The following FSTL5 variants were observed in gnomAD, a reference collection of about 807,000 sequenced individuals.
The protein encoded by FSTL5 is follistatin-related protein 5.
Under a neutral mutation model 89.1 loss-of-function variants are expected in FSTL5, and 62 were observed. That is an observed-to-expected ratio of 0.70 (90% CI 0.57 to 0.86). The LOEUF (loss-of-function observed/expected upper bound fraction) is 0.86. FSTL5 is among the 40% of genes least tolerant of loss of function. The pLI, the probability that FSTL5 is intolerant of heterozygous loss-of-function variation, is 0.00. For missense variants in FSTL5, 1,057 were observed against 1,001.6 expected, an observed-to-expected ratio of 1.06 and a Z score of -0.75; for synonymous variants, 383 against 346.2, an observed-to-expected ratio of 1.11 and a Z score of -1.18.
At chr4:161,421,451 C>G (rs907512685) in intron 15 of FSTL5, among the ~76,000 whole-genome samples, 1 of 151,936 alleles carries the variant, frequency 6.6e-6, no homozygotes, top group African/African-American at 2.4e-5. Context: ...CAGTTCTACA[C>G]AAGATAGTTG....
At chr4:162,123,662 C>A (rs1272276021) in intron 1 of FSTL5, among the ~76,000 whole-genome samples, 2 of 152,136 alleles carry the variant, frequency 1.3e-5, no homozygotes, top group Admixed American at 1.3e-4. Flanking sequence ...AACTCTAAAG[C>A]TACTGGAACT....
intron 3 of FSTL5, among the ~76,000 whole-genome samples, chr4:161,959,299 T>C (rs1481872076): frequency 1.3e-5 from 2 of 151,980 alleles, no homozygotes; most frequent in Non-Finnish European, 1.5e-5. Flanking sequence ...ATTTTATTGA[T>C]TTAAGATACA....
chr4:161,863,469 G>A (rs76048930), intron 4 of FSTL5, among the ~76,000 whole-genome samples: 3,464 of 152,234 alleles, frequency 0.023, 58 homozygotes, highest in Non-Finnish European at 0.034. Flanking sequence ...TGTTGCAATA[G>A]TTACAACAAC....
In FSTL5 at chr4:161,669,067, C is replaced by G. The variant is rs184095316; in HGVS notation, c.728-12573G>C. On this transcript the variant is annotated intron_variant, in intron 6 of 15. Coordinates refer to ENST00000306100, the MANE Select transcript of FSTL5 (RefSeq NM_020116.5). The stretch of plus-strand genomic sequence containing the variant: ...GCAGAGGTTGCAGTGAACTGAGATT[C>G]CGCCACGGCCCTCCAGCCTGGGTGA... Among the ~76,000 whole-genome samples, 855 of 148,124 alleles carry G rather than the reference C, an allele frequency of 5.8e-3. 9 individuals carry two copies. The highest frequency in any genetic ancestry group is 0.042 in the South Asian group (195 of 4,658).
chr4:161,938,093 C>T (rs1018898369), intron 3 of FSTL5, among the ~76,000 whole-genome samples: 1 of 151,996 alleles, frequency 6.6e-6, no homozygotes. Context: ...TCCCTTTCAC[C>T]ACCACCATTC....
At chr4:161,723,351 T>TA (rs1055512634) in intron 6 of FSTL5, among the ~76,000 whole-genome samples, 11 of 151,566 alleles carry the variant, frequency 7.3e-5, no homozygotes, top group Non-Finnish European at 1.3e-4. Context: ...TTAAAAAAAT[T>TA]AAAAAAAAAT....
chr4:162,022,094 G>GAA (rs763770404), intron 3 of FSTL5, among the ~76,000 whole-genome samples: 6 of 122,028 alleles, frequency 4.9e-5, no homozygotes, highest in Non-Finnish European at 3.5e-5. Context: ...CTGTCTCAGG[G>GAA]AAAAAAAAAA....
intron 8 of FSTL5, among the ~76,000 whole-genome samples, chr4:161,559,354 CTT>C (rs934647337): frequency 2.0e-5 from 3 of 151,480 alleles, no homozygotes; most frequent in African/African-American, 7.3e-5. Flanking sequence ...CTTTCTTCTC[CTT>C]TGCTTTCTCC....
chr4:162,011,884 C>A (rs1347144470), intron 3 of FSTL5, among the ~76,000 whole-genome samples: 1 of 152,142 alleles, frequency 6.6e-6, no homozygotes, highest in Admixed American at 6.5e-5. Context: ...ATTTGAAAGC[C>A]TTCCTAAAAC....
chr4:162,110,176 C>T (rs567504089), intron 2 of FSTL5, among the ~76,000 whole-genome samples: 11 of 152,060 alleles, frequency 7.2e-5, no homozygotes, highest in African/African-American at 2.6e-4. Flanking sequence ...TCGAATCTAT[C>T]CTTCATATTA....
At chr4:161,767,122 T>C (rs967866729) in intron 5 of FSTL5, among the ~76,000 whole-genome samples, 8 of 152,230 alleles carry the variant, frequency 5.3e-5, no homozygotes, top group Non-Finnish European at 8.8e-5. Context: ...CTATGCTCCT[T>C]TTCATAAGAA....
At chr4:161,563,421 A>G (rs1732675613) in intron 8 of FSTL5, among the ~76,000 whole-genome samples, 1 of 151,964 alleles carries the variant, frequency 6.6e-6, no homozygotes. Flanking sequence ...CTTATAGTGA[A>G]TAGGGCTCCA....
intron 4 of FSTL5, among the ~76,000 whole-genome samples, chr4:161,828,304 T>G (rs1303558320): frequency 6.6e-6 from 1 of 151,880 alleles, no homozygotes; most frequent in East Asian, 1.9e-4. Flanking sequence ...TTTACAGTTT[T>G]GGGGCTGTCT....
At chr4:161,595,227 C>G (rs1051202442) in intron 7 of FSTL5, among the ~76,000 whole-genome samples, 9 of 152,008 alleles carry the variant, frequency 5.9e-5, no homozygotes, top group African/African-American at 2.2e-4. Context: ...GTTTTCTAAT[C>G]TTAAATAGAT....
At chr4:162,122,244 G>T (rs549619966) in intron 1 of FSTL5, among the ~76,000 whole-genome samples, 26 of 152,168 alleles carry the variant, frequency 1.7e-4, no homozygotes, top group Admixed American at 9.2e-4. Context: ...AGAACAATAG[G>T]TTAAAAGTCA....
Position 161,920,540 on chromosome 4 carries a change from G to T in FSTL5, c.273C>A (p.Asp91Glu). The change falls in exon 4 of 16, where the codon GAC becomes GAA. Residue 91 changes from aspartate (D) to glutamate (E), a missense_variant. This residue lies in a region of FSTL5 where 980 missense variants were observed against 903.2 expected (regional missense o/e 1.08). Coordinates refer to ENST00000306100, the MANE Select transcript of FSTL5 (RefSeq NM_020116.5). ...ETGQAECACM[D>E]LCKRHYKPVC... ...CAGGTTTGTAGTGACGTTTGCAAAGGTCCATACAGGCACATTCTGCTTGCC... is the reference window on the plus strand; with the variant it reads ...CAGGTTTGTAGTGACGTTTGCAAAGTTCCATACAGGCACATTCTGCTTGCC... 1 of 1,613,912 alleles carries T rather than the reference G, an allele frequency of 6.2e-7. No individual in the cohort carries two copies. Among genetic ancestry groups the T allele is most frequent in the Non-Finnish European group, 8.5e-7 (1 of 1,179,974 alleles).
At chr4:161,473,604 T>C (rs1029268828) in intron 13 of FSTL5, among the ~76,000 whole-genome samples, 1 of 151,912 alleles carries the variant, frequency 6.6e-6, no homozygotes, top group Non-Finnish European at 1.5e-5. Context: ...AATTAAAAAA[T>C]GTGTATATAG....
intron 15 of FSTL5, among the ~76,000 whole-genome samples, chr4:161,400,310 T>C (rs1461214220): frequency 6.6e-6 from 1 of 152,020 alleles, no homozygotes; most frequent in Non-Finnish European, 1.5e-5. Context: ...ACATAAATAG[T>C]TGAGTAGATA....
intron 1 of FSTL5, among the ~76,000 whole-genome samples, chr4:162,124,733 T>G (rs1479303086): frequency 6.6e-6 from 1 of 152,056 alleles, no homozygotes; most frequent in Non-Finnish European, 1.5e-5. Context: ...AGAGTCTCGC[T>G]CTGTCGCCCA....
Sources: allele counts gnomAD v4.1 joint callset (sites outside exome capture counted in the v4.1 genomes callset), GRCh38; gene constraint gnomAD v4.1.1; regional missense constraint gnomAD v4.1.1; transcripts MANE v1.5; gene names NCBI Gene and HGNC (gene_info 2026-07-23, HGNC 2026-07-21).